RPS3: variants seen among roughly 807,000 people sequenced by gnomAD.
The protein encoded by RPS3 is ribosomal protein S3, also known as small ribosomal subunit protein uS3.
RPS3 carries 2 observed loss-of-function variants against 25.8 expected under a neutral mutation model. The observed-to-expected ratio is 0.08, with a 90% CI of 0.03 to 0.24. The LOEUF is 0.24. Ranked by LOEUF, RPS3 falls within the 10% of genes least tolerant of loss-of-function variation. RPS3 has a pLI of 1.00. For missense variants in RPS3, 107 were observed against 307.1 expected, an observed-to-expected ratio of 0.35 and a Z score of 4.87; for synonymous variants, 114 against 114.2, an observed-to-expected ratio of 1.00 and a Z score of 0.01.
intron 6 of RPS3, among the ~76,000 whole-genome samples, chr11:75,415,692 G>T (rs1367041326): frequency 6.6e-6 from 1 of 151,974 alleles, no homozygotes; most frequent in Non-Finnish European, 1.5e-5. Context: ...TGTAATTCCA[G>T]CTACTTGGGA....
chr11:75,413,271 C>G (rs996376010), intron 6 of RPS3, among the ~76,000 whole-genome samples: 1 of 150,744 alleles, frequency 6.6e-6, no homozygotes, highest in Non-Finnish European at 1.5e-5. Context: ...GAGACAGTCT[C>G]ACTCTGTAGC....
At chr11:75,413,961 G>A (rs2135068477) in intron 6 of RPS3, among the ~76,000 whole-genome samples, 1 of 152,304 alleles carries the variant, frequency 6.6e-6, no homozygotes, top group Middle Eastern at 3.4e-3. Context: ...CGCAGCCAAG[G>A]TCATGGCTGA....
At chr11:75,402,558 TC>T in intron 4 of RPS3, 112 bp downstream of exon 4, 3 of 1,145,302 alleles carry the variant, frequency 2.6e-6, no homozygotes, top group Non-Finnish European at 3.7e-6. Flanking sequence ...TCTGCTAGTC[TC>T]CCAGGGTTAT....
At chr11:75,402,266 G>A (rs563119520) in intron 3 of RPS3, 86 bp from the exon 4 acceptor site, 1 of 1,586,544 alleles carries the variant, frequency 6.3e-7, no homozygotes, top group Admixed American at 1.7e-5. Context: ...TGTAGAAAGT[G>A]ATACTTGTGT....
downstream of RPS3, among the ~76,000 whole-genome samples, chr11:75,407,199 T>G (rs1173541987): frequency 1.3e-5 from 2 of 152,136 alleles, no homozygotes; most frequent in Admixed American, 1.3e-4. Context: ...AATGCAGTGG[T>G]GCTATATCGG....
At chr11:75,414,893 G>A (rs538689937) in intron 6 of RPS3, among the ~76,000 whole-genome samples, 2 of 152,244 alleles carry the variant, frequency 1.3e-5, no homozygotes, top group African/African-American at 2.4e-5. Flanking sequence ...GTTTTTTGGG[G>A]GATCCACTCC....
intron 3 of RPS3, 177 bp downstream of exon 3, chr11:75,401,910 T>G (rs1405691176): frequency 6.8e-6 from 4 of 587,336 alleles, no homozygotes; most frequent in Non-Finnish European, 1.2e-5. Context: ...TGGCTGATGG[T>G]TAAAGGATTT....
At chr11:75,419,137 A>G (rs961249322) in intron 6 of RPS3, among the ~76,000 whole-genome samples, 3 of 152,200 alleles carry the variant, frequency 2.0e-5, no homozygotes, top group Non-Finnish European at 4.4e-5. Flanking sequence ...ATACCAGGAA[A>G]AATAGTCATC....
chr11:75,400,971 C>T (rs985015310), intron 2 of RPS3, 147 bp downstream of exon 2: 5 of 1,222,432 alleles, frequency 4.1e-6, no homozygotes, highest in Non-Finnish European at 5.3e-6. Flanking sequence ...CAAGCTCCGC[C>T]TCCCGGGTTC....
chr11:75,403,058 C>CTG (rs142120496), intron 4 of RPS3: 1 of 152,122 alleles, frequency 6.6e-6, no homozygotes, highest in South Asian at 2.1e-4. Context: ...TGCAGTTTGA[C>CTG]TGTATGTAAA....
At chr11:75,400,045 T>C (rs541502719) in intron 1 of RPS3, among the ~76,000 whole-genome samples, 30 of 152,340 alleles carry the variant, frequency 2.0e-4, no homozygotes, top group African/African-American at 6.5e-4. Context: ...GGGAGGAAGC[T>C]GCCTCGGATT....
At chr11:75,420,797 A>G (rs1222907265) in intron 6 of RPS3, among the ~76,000 whole-genome samples, 1 of 151,906 alleles carries the variant, frequency 6.6e-6, no homozygotes. Context: ...GCCCGGTGAT[A>G]GAGGAGGGCA....
intron 3 of RPS3, chr11:75,402,057 A>G: frequency 1.8e-6 from 1 of 542,568 alleles, no homozygotes; most frequent in Non-Finnish European, 3.3e-6. Context: ...TGCTTTAGGA[A>G]TTGAGGGATA....
chr11:75,413,394 C>CT (rs561456387), intron 6 of RPS3, among the ~76,000 whole-genome samples: 178 of 152,232 alleles, frequency 1.2e-3, no homozygotes, highest in African/African-American at 3.9e-3. Context: ...GTAGCTGGGA[C>CT]TACAGGCATC....
rs1384451921 is a variant in RPS3, at chr11:75,405,701, T to G, written c.*91T>G. ...TTTGTACAAAGACACAAGGTCTGAC[T>G]AGACTGTTCAGTATTCAGACTGAGG... On this transcript the variant is annotated 3_prime_UTR_variant, in exon 7 of 7. Coordinates refer to ENST00000531188, the MANE Select transcript of RPS3 (RefSeq NM_001005.5). 2.2e-6 allele frequency: 1 copy of G among 454,762 alleles called. No individual in the cohort carries two copies. The highest frequency in any genetic ancestry group is 2.4e-5 in the Admixed American group (1 of 42,218). The allele number at this position is 454,762 out of a possible 1,614,324, so 28.2% of individuals were successfully genotyped here. A position where few individuals can be genotyped will look rare whatever the true frequency, so the allele number is the denominator to read the frequency against.
At chr11:75,402,555 G>C (rs767668981) in intron 4 of RPS3, 109 bp downstream of exon 4, 1 of 1,147,088 alleles carries the variant, frequency 8.7e-7, no homozygotes, top group African/African-American at 1.5e-5. Context: ...GGATCTGCTA[G>C]TCTCCCAGGG....
chr11:75,419,565 A>G (rs1387881833), intron 6 of RPS3, among the ~76,000 whole-genome samples: 1 of 152,202 alleles, frequency 6.6e-6, no homozygotes, highest in African/African-American at 2.4e-5. Context: ...AACAAAAAAA[A>G]AAAGAAAGAA....
At chr11:75,407,404 C>T (rs529444513), downstream of RPS3, among the ~76,000 whole-genome samples, 18 of 152,372 alleles carry the variant, frequency 1.2e-4, no homozygotes, top group Non-Finnish European at 2.9e-5. Context: ...TTCCAGAGTG[C>T]TGGAATTACA....
At chr11:75,405,175 C>A (rs745383592) in intron 6 of RPS3, 1 of 210,896 alleles carries the variant, frequency 4.7e-6, no homozygotes, top group Non-Finnish European at 9.5e-6. Flanking sequence ...CTCCCATGTT[C>A]AAGCAATTCT....
Sources: gnomAD v4.1 joint callset for allele counts (sites outside exome capture counted in the v4.1 genomes callset) on GRCh38, gnomAD v4.1.1 for gene constraint, MANE v1.5 for transcripts, NCBI Gene and HGNC (gene_info 2026-07-23, HGNC 2026-07-21) for gene names.